Variants in PSD3 observed in about 807,000 individuals in gnomAD.
The protein encoded by PSD3 is PH and SEC7 domain-containing protein 3.
Under a neutral mutation model 105.5 loss-of-function variants are expected in PSD3, and 49 were observed. That is an observed-to-expected ratio of 0.46 (90% CI 0.37 to 0.59). PSD3 has a LOEUF of 0.59. Ranked by LOEUF, PSD3 falls within the 20% of genes least tolerant of loss-of-function variation. The pLI is 0.00. For synonymous variants in PSD3, 557 were observed against 457.8 expected (o/e 1.22, Z -2.77); for missense variants, 1,561 against 1,263.8 (o/e 1.24, Z -3.57).
intron 9 of PSD3, among the ~76,000 whole-genome samples, chr8:18,730,554 A>G (rs1052928153): frequency 3.3e-5 from 5 of 152,220 alleles, no homozygotes; most frequent in African/African-American, 9.6e-5. Context: ...GATACACTAT[A>G]TCCATTGTTA....
At chr8:18,717,035 CT>C (rs1316179396) in intron 9 of PSD3, among the ~76,000 whole-genome samples, 1 of 152,178 alleles carries the variant, frequency 6.6e-6, no homozygotes, top group Admixed American at 6.5e-5. Context: ...ACTCAGACCT[CT>C]GGACTTAAAA....
Position 18,785,002 on chromosome 8 carries a change from T to G in PSD3, c.2082+14293A>C, listed in dbSNP as rs116362230. 1.2e-3 allele frequency among the ~76,000 whole-genome samples: 186 copies of G among 152,240 alleles called. No individual in the cohort carries two copies. In the Middle Eastern group the frequency reaches 0.014, roughly 11 times the overall value. Reference sequence around the variant, plus strand: ...CCTCTAATCACATGGTTATTTCCCCTAACAACCTGTCCCCTTGCTGAGCTT... The same window carrying G: ...CCTCTAATCACATGGTTATTTCCCCGAACAACCTGTCCCCTTGCTGAGCTT... On this transcript the variant is annotated intron_variant, in intron 8 of 15. Transcript: ENST00000327040.
intron 9 of PSD3, among the ~76,000 whole-genome samples, chr8:18,696,463 T>C (rs1001812713): frequency 1.3e-5 from 2 of 152,268 alleles, no homozygotes; most frequent in African/African-American, 4.8e-5. Context: ...CTCAAGACTA[T>C]GCTCTTTCAA....
At chr8:18,547,690 C>G (rs1397271047) in intron 15 of PSD3, among the ~76,000 whole-genome samples, 1 of 152,184 alleles carries the variant, frequency 6.6e-6, no homozygotes, top group East Asian at 1.9e-4. Flanking sequence ...GCAGACATCA[C>G]TTCTCAACTC....
intron 1 of PSD3, among the ~76,000 whole-genome samples, chr8:18,981,095 C>A (rs1288352578): frequency 1.3e-5 from 2 of 152,170 alleles, no homozygotes; most frequent in African/African-American, 2.4e-5. Context: ...TCTGTCTTCC[C>A]TCCTAGACAT....
chr8:18,919,062 T>C (rs1261543119), intron 2 of PSD3, among the ~76,000 whole-genome samples: 1 of 152,216 alleles, frequency 6.6e-6, no homozygotes, highest in Non-Finnish European at 1.5e-5. Flanking sequence ...CCTATCTTCA[T>C]GATTTTCAAA....
At chr8:18,837,042 T>C (rs1348450616) in intron 4 of PSD3, among the ~76,000 whole-genome samples, 2 of 151,800 alleles carry the variant, frequency 1.3e-5, no homozygotes, top group African/African-American at 4.8e-5. Flanking sequence ...TAACTAAATA[T>C]CCAGAAGGAG....
chr8:18,744,568 C>A (rs73199949), intron 9 of PSD3, among the ~76,000 whole-genome samples: 1 of 152,080 alleles, frequency 6.6e-6, no homozygotes, highest in Non-Finnish European at 1.5e-5. Context: ...TACCTTTGTA[C>A]GTTTAACTAC....
chr8:18,555,865 A>G (rs1801037122), intron 15 of PSD3, among the ~76,000 whole-genome samples: 1 of 152,122 alleles, frequency 6.6e-6, no homozygotes, highest in Non-Finnish European at 1.5e-5. Context: ...TTTTGACTCC[A>G]ATTCTGCCGG....
chr8:18,638,472 A>G (rs1807427849), intron 10 of PSD3, among the ~76,000 whole-genome samples: 1 of 152,152 alleles, frequency 6.6e-6, no homozygotes, highest in East Asian at 1.9e-4. Context: ...ACAAAAAATG[A>G]GTAGCATTTT....
intron 4 of PSD3, among the ~76,000 whole-genome samples, chr8:18,807,123 T>C (rs1034804236): frequency 1.3e-5 from 2 of 152,182 alleles, no homozygotes; most frequent in African/African-American, 2.4e-5. Flanking sequence ...AAAACCATTG[T>C]AGTAAAAATA....
At chr8:18,625,848 A>G (rs1039153335) in intron 11 of PSD3, among the ~76,000 whole-genome samples, 1 of 152,174 alleles carries the variant, frequency 6.6e-6, no homozygotes, top group African/African-American at 2.4e-5. Flanking sequence ...AATGCTTAGG[A>G]TAAAGCTCTA....
At chr8:18,646,967 C>A (rs1016315113) in intron 10 of PSD3, among the ~76,000 whole-genome samples, 3 of 152,168 alleles carry the variant, frequency 2.0e-5, no homozygotes, top group South Asian at 2.1e-4. Context: ...AATGAACAAT[C>A]AAGGTACCCA....
chr8:18,575,360 TA>T (rs1161150769), intron 12 of PSD3, 75 bp from the exon 13 acceptor site: 13 of 1,373,182 alleles, frequency 9.5e-6, no homozygotes, highest in African/African-American at 3.0e-5. Context: ...AAGCAAAAAC[TA>T]AAAAAATAGT....
chr8:18,768,151 T>C (rs546153649), intron 8 of PSD3, among the ~76,000 whole-genome samples: 2 of 147,448 alleles, frequency 1.4e-5, no homozygotes, highest in African/African-American at 2.5e-5. Context: ...CCGGATGTCA[T>C]GGCGGGCGCC....
intron 10 of PSD3, among the ~76,000 whole-genome samples, chr8:18,645,998 T>C (rs1808009919): frequency 6.6e-6 from 1 of 152,206 alleles, no homozygotes; most frequent in African/African-American, 2.4e-5. Flanking sequence ...GTTTTATCTA[T>C]ACCATTGTCC....
chr8:19,026,701 CAAAAAAAAAAA>C (rs10669321), intron 1 of PSD3, among the ~76,000 whole-genome samples: 1 of 82,246 alleles, frequency 1.2e-5, no homozygotes, highest in South Asian at 6.0e-4. Context: ...CACATCTCTA[CAAAAAAAAAAA>C]AAAAAAAAAA....
chr8:18,959,288 G>A (rs1823765515), intron 1 of PSD3, among the ~76,000 whole-genome samples: 1 of 152,068 alleles, frequency 6.6e-6, no homozygotes, highest in African/African-American at 2.4e-5. Flanking sequence ...TCATTTCAGG[G>A]TGTTTCATAT....
chr8:18,708,680 A>G (rs921968963), intron 9 of PSD3, among the ~76,000 whole-genome samples: 2 of 152,154 alleles, frequency 1.3e-5, no homozygotes, highest in African/African-American at 4.8e-5. Flanking sequence ...AATGCTAGTC[A>G]AGAAAGAGGT....
Sources: allele counts gnomAD v4.1 joint callset (sites outside exome capture counted in the v4.1 genomes callset), GRCh38; gene constraint gnomAD v4.1.1; transcripts MANE v1.5; gene names NCBI Gene and HGNC (gene_info 2026-07-23, HGNC 2026-07-21).